ARMC9: variants seen among roughly 807,000 people sequenced by gnomAD.
ARMC9 encodes armadillo repeat containing 9, also known as lisH domain-containing protein ARMC9.
ARMC9 carries 94 observed loss-of-function variants against 107.0 expected under a neutral mutation model. That is an observed-to-expected ratio of 0.88 (90% CI 0.74 to 1.04). The LOEUF (loss-of-function observed/expected upper bound fraction) is 1.04, where lower values mean the gene tolerates loss of function less well. Ranked by LOEUF, ARMC9 falls within the 50% of genes least tolerant of loss-of-function variation. The probability of loss-of-function intolerance (pLI) is 0.00; values close to 1 mark genes in which losing one functional copy is unlikely to be tolerated. For missense variants in ARMC9, 942 were observed against 1,030.1 expected, an observed-to-expected ratio of 0.91 and a Z score of 1.17; for synonymous variants, 380 against 396.9, an observed-to-expected ratio of 0.96 and a Z score of 0.51.
rs755948146 is a variant in ARMC9 at position 231,206,213 on chromosome 2, GAATT to G, written c.-20_-17del. The G allele has an allele frequency of 1.2e-6, 2 of 1,607,040 alleles. No individual in the cohort carries two copies. Among genetic ancestry groups the G allele is most frequent in the African/African-American group, 2.7e-5 (2 of 74,684 alleles). ...TGCCTTCTAGAGATTTTTGCTGTGA[GAATT>G]AATTACCAGTAACAGTTCAATATGG... On this transcript the variant is annotated 5_prime_UTR_variant, in exon 2 of 25. Transcript: ENST00000611582.
intron 7 of ARMC9, 73 bp downstream of exon 7, chr2:231,226,871 A>G: frequency 6.7e-7 from 1 of 1,499,578 alleles, no homozygotes; most frequent in Non-Finnish European, 9.3e-7. Flanking sequence ...AGATCGGTGC[A>G]AAGATGGAGA....
intron 14 of ARMC9, among the ~76,000 whole-genome samples, 162 bp downstream of exon 14, chr2:231,273,240 T>C (rs184565208): frequency 1.3e-5 from 2 of 152,368 alleles, no homozygotes; most frequent in Admixed American, 1.3e-4. Context: ...TCCACTAAAC[T>C]ATCCTGCGCA....
At chr2:231,256,819 G>GT (rs1324834633) in intron 10 of ARMC9, among the ~76,000 whole-genome samples, 199 bp downstream of exon 10, 1 of 152,072 alleles carries the variant, frequency 6.6e-6, no homozygotes, top group Non-Finnish European at 1.5e-5. Context: ...TGCCTGTGTG[G>GT]TTTTTTTGTT....
At chr2:231,304,155 A>G (rs914053294) in intron 19 of ARMC9, among the ~76,000 whole-genome samples, 1 of 146,190 alleles carries the variant, frequency 6.8e-6, no homozygotes, top group African/African-American at 2.6e-5. Flanking sequence ...GCTTGAGCCC[A>G]GGAGGCAGAG....
chr2:231,323,162 G>A (rs1363776630), intron 19 of ARMC9, among the ~76,000 whole-genome samples: 3 of 152,026 alleles, frequency 2.0e-5, no homozygotes, highest in Admixed American at 1.3e-4. Context: ...GCACTCCAAC[G>A]TGAGCTACAG....
In ARMC9 at chr2:231,271,807, C is replaced by T. The variant is rs141786418; in HGVS notation, c.1210+735C>T. On this transcript the variant is annotated intron_variant, in intron 13 of 24. Coordinates refer to ENST00000611582, the MANE Select transcript of ARMC9 (RefSeq NM_001352754.2). ...TCTTCCATATCCATTCAGAAGTCCA[C>T]AACAGGCTAGGGACCATTCTGGGCT... 4.3e-3 allele frequency among the ~76,000 whole-genome samples: 655 copies of T among 152,244 alleles called. 3 individuals are homozygous for T. Among genetic ancestry groups the T allele is most frequent in the African/African-American group, 0.015 (615 of 41,558 alleles).
intron 23 of ARMC9, among the ~76,000 whole-genome samples, chr2:231,361,474 G>GA (rs2045579086): frequency 2.2e-5 from 3 of 136,426 alleles, no homozygotes; most frequent in African/African-American, 8.2e-5. Context: ...AAAAAAAAAA[G>GA]AAAAGAAAAA....
chr2:231,313,968 C>T (rs61457860), intron 19 of ARMC9, among the ~76,000 whole-genome samples: 7,298 of 150,522 alleles, frequency 0.048, 418 homozygotes, highest in East Asian at 0.25. Context: ...CTATGTTGCC[C>T]AGGGTGGTCT....
At chr2:231,283,483 A>G (rs1218649109) in intron 17 of ARMC9, among the ~76,000 whole-genome samples, 1 of 152,090 alleles carries the variant, frequency 6.6e-6, no homozygotes, top group Non-Finnish European at 1.5e-5. Context: ...AGACTGGAGT[A>G]CAGTGGCACC....
At chr2:231,278,846 C>T (rs1574922657) in intron 16 of ARMC9, among the ~76,000 whole-genome samples, 1 of 152,318 alleles carries the variant, frequency 6.6e-6, no homozygotes, top group African/African-American at 2.4e-5. Context: ...ATTGAATTTA[C>T]AGAAATAGAT....
At chr2:231,359,871 C>T (rs534090935) in intron 22 of ARMC9, among the ~76,000 whole-genome samples, 2 of 152,312 alleles carry the variant, frequency 1.3e-5, no homozygotes, top group Admixed American at 6.5e-5. Context: ...AAGCCCCTTG[C>T]TACAGGGAAA....
At chr2:231,355,538 TTG>T (rs2045305033) in intron 21 of ARMC9, among the ~76,000 whole-genome samples, 1 of 152,180 alleles carries the variant, frequency 6.6e-6, no homozygotes, top group Non-Finnish European at 1.5e-5. Context: ...TAACACGTAA[TTG>T]TGTGTTAGGA....
At position 231,304,181 on chromosome 2, in the gene ARMC9, G is replaced by C. The variant is rs1339975219; in HGVS notation, c.1773+7928G>C. ...GGAGGCAGAGGTTGCAGTGAGCCGAGATCGCGCCACTGCACTCCAGCCTGG... is the reference window on the plus strand; with the variant it reads ...GGAGGCAGAGGTTGCAGTGAGCCGACATCGCGCCACTGCACTCCAGCCTGG... On this transcript the variant is annotated intron_variant, in intron 19 of 24. Coordinates refer to ENST00000611582, the MANE Select transcript of ARMC9 (RefSeq NM_001352754.2). 4.6e-5 allele frequency among the ~76,000 whole-genome samples: 7 copies of C among 152,180 alleles called. No homozygotes were observed. The East Asian group carries it at 1.4e-3, about 29-fold the overall frequency.
At chr2:231,279,591 ACCTCCACCT>A (rs1338296596) in intron 16 of ARMC9, among the ~76,000 whole-genome samples, 1 of 143,848 alleles carries the variant, frequency 7.0e-6, no homozygotes, top group East Asian at 2.0e-4. Context: ...GCTCACTGCA[ACCTCCACCT>A]CCCGGGTTCA....
intron 12 of ARMC9, among the ~76,000 whole-genome samples, chr2:231,270,205 T>C (rs563437276): frequency 2.6e-5 from 4 of 152,298 alleles, no homozygotes; most frequent in Middle Eastern, 3.4e-3. Context: ...ACATTCATTC[T>C]GCATTTAGAC....
intron 14 of ARMC9, among the ~76,000 whole-genome samples, chr2:231,273,717 G>A (rs771675750): frequency 6.6e-6 from 1 of 151,970 alleles, no homozygotes; most frequent in African/African-American, 2.4e-5. Flanking sequence ...ACCCGGCCCC[G>A]TAGGTTCCTT....
intron 19 of ARMC9, among the ~76,000 whole-genome samples, chr2:231,311,507 C>T (rs35086097): frequency 0.034 from 5,127 of 151,598 alleles, 147 homozygotes; most frequent in Middle Eastern, 0.049. Flanking sequence ...CAGTTGCTCA[C>T]GCCTATAATC....
chr2:231,262,456 T>C (rs1574852048), intron 12 of ARMC9, 58 bp downstream of exon 12: 1 of 1,439,558 alleles, frequency 6.9e-7, no homozygotes, highest in South Asian at 1.1e-5. Flanking sequence ...GGAATGATCT[T>C]AGCAGATGGG....
intron 23 of ARMC9, among the ~76,000 whole-genome samples, chr2:231,365,216 C>T (rs901205181): frequency 4.6e-5 from 7 of 152,140 alleles, no homozygotes; most frequent in African/African-American, 1.2e-4. Flanking sequence ...AGTCACGTGC[C>T]GCAGAAACGC....
Sources: gnomAD v4.1 joint callset for allele counts (sites outside exome capture counted in the v4.1 genomes callset) on GRCh38, gnomAD v4.1.1 for gene constraint, MANE v1.5 for transcripts, NCBI Gene and HGNC (gene_info 2026-07-23, HGNC 2026-07-21) for gene names.